ADAMTS1: variants seen among roughly 807,000 people sequenced by gnomAD.
ADAMTS1 encodes the protein ADAM metallopeptidase with thrombospondin type 1 motif 1, also known as A disintegrin and metalloproteinase with thrombospondin motifs 1.
ADAMTS1 carries 19 observed loss-of-function variants against 87.9 expected under a neutral mutation model. That is an observed-to-expected ratio of 0.22 (90% CI 0.15 to 0.32). The LOEUF is 0.32. ADAMTS1 is among the 10% of genes least tolerant of loss of function. The pLI is 1.00. For synonymous variants in ADAMTS1, 542 were observed against 501.8 expected (o/e 1.08, Z -1.07); for missense variants, 1,240 against 1,259.1 (o/e 0.98, Z 0.23).
rs1338418555 is a variant in ADAMTS1 at position 26,836,827 on chromosome 21, C to T, written c.*752G>A. On this transcript the variant is annotated 3_prime_UTR_variant, in exon 9 of 9. Transcript: ENST00000284984. ...GTTGGAGGTACTAAGCTCATTGTGTCTCCTCTAGCTTTTACCAGCATCTAA... is the reference window on the plus strand; with the variant it reads ...GTTGGAGGTACTAAGCTCATTGTGTTTCCTCTAGCTTTTACCAGCATCTAA... 1 of 152,236 alleles carries T rather than the reference C, an allele frequency of 6.6e-6. No homozygotes were observed. Among genetic ancestry groups the T allele is most frequent in the Non-Finnish European group, 1.5e-5 (1 of 68,048 alleles). The allele number at this position is 152,236 out of a possible 1,614,324, so 9.4% of individuals were successfully genotyped here.
intron 1 of ADAMTS1, chr21:26,843,017 A>G (rs2123320879): frequency 3.2e-6 from 1 of 312,532 alleles, no homozygotes; most frequent in Admixed American, 4.9e-5. Context: ...TTGGAGCAAG[A>G]GCGGCAGGCA....
rs772322201 is a variant in ADAMTS1 at position 26,840,442 on chromosome 21, G to A, written c.1499C>T (p.Pro500Leu). The change falls in exon 5 of 9, where the codon CCC becomes CTC. Residue 500 changes from proline to leucine, a missense_variant. Physicochemically the swap from Pro to Leu is moderately conservative, Grantham distance 98. Around this residue, in one of 3 missense-constraint regions of ADAMTS1, gnomAD observed 317 missense variants for 410.3 expected, o/e 0.77. Transcript: ENST00000284984. ...GGTGCTACATGTGCTGGCTGCATCG[G>A]GGCAGTGTTTGGAGTCCTCCCCAAA... ...FTFGEDSKHC[P>L]DAASTCSTLW... 5 of 1,613,900 alleles carry A rather than the reference G, an allele frequency of 3.1e-6. No individual in the cohort carries two copies. The African/African-American group carries it at 5.3e-5, about 17-fold the overall frequency.
rs916298575 is a variant in ADAMTS1 at position 26,844,795 on chromosome 21, A to T, written c.160T>A (p.Ser54Thr). 6.5e-7 allele frequency: 1 copy of T among 1,545,484 alleles called. No individual in the cohort carries two copies. The highest frequency in any genetic ancestry group is 8.7e-7 in the Non-Finnish European group (1 of 1,144,198). ...ACCACTAGCTCCTCGTCCTCCTCGG[A>T]GGGGCGCCCGAGTGCGTCCGACACG... ...LAVSDALGRP[S>T]EEDEELVVPE... The change falls in exon 1 of 9, where the codon TCC (serine) becomes ACC (threonine). Residue 54 changes from serine (S) to threonine (T), a missense_variant. This residue lies in a region of ADAMTS1 where 521 missense variants were observed against 449.7 expected (regional missense o/e 1.16). Transcript: ENST00000284984.
At chr21:26,844,119 A>G (rs1985555107) in intron 1 of ADAMTS1, 106 bp downstream of exon 1, 4 of 1,390,742 alleles carry the variant, frequency 2.9e-6, no homozygotes, top group Non-Finnish European at 3.8e-6. Context: ...CTGTCCGCGG[A>G]CTTATGATCC....
chr21:26,842,153 C>T (rs1985507400), intron 2 of ADAMTS1, among the ~76,000 whole-genome samples, 163 bp from the exon 3 acceptor site: 1 of 152,084 alleles, frequency 6.6e-6, no homozygotes, highest in Non-Finnish European at 1.5e-5. Flanking sequence ...TTTTCTAATG[C>T]TTTTAAAATA....
chr21:26,838,491 C>T lies in ADAMTS1; in HGVS notation c.2152G>A (p.Gly718Arg), dbSNP rs762195552. 62 of 1,614,042 alleles carry T rather than the reference C, an allele frequency of 3.8e-5. No homozygotes were observed. In the Middle Eastern group the frequency reaches 6.6e-4, roughly 17 times the overall value. Reference sequence around the variant, plus strand: ...TTTTTACAAGTAGATCCATTTCCCCCGCAAACACCACATTTATCAAACTTC... The same window carrying T: ...TTTTTACAAGTAGATCCATTTCCCCTGCAAACACCACATTTATCAAACTTC... ...KKKFDKCGVC[G>R]GNGSTCKKIS... The change falls in exon 8 of 9, where the codon GGG (glycine) becomes AGG (arginine). Residue 718 changes from glycine to arginine, a missense_variant. Coordinates refer to ENST00000284984, the MANE Select transcript of ADAMTS1 (RefSeq NM_006988.5).
At chr21:26,841,377 G>C in intron 3 of ADAMTS1, 1 of 491,996 alleles carries the variant, frequency 2.0e-6, no homozygotes, top group Non-Finnish European at 3.6e-6. Flanking sequence ...TACTGGGCAT[G>C]CTGAGGCAGC....
In ADAMTS1 at chr21:26,841,853, CT is replaced by C. The variant is rs747897641; in HGVS notation, c.1210+4del. ...AGCTTAACTTCTACTTTGAAGCAGA[CT>C]TACCTAATTCATGGGCTGTGGTGAA... On this transcript the variant is annotated splice_donor_region_variant and intron_variant, in intron 3 of 8. Transcript: ENST00000284984. The C allele has an allele frequency of 5.0e-6, 8 of 1,610,424 alleles. No homozygotes were observed. The African/African-American group carries it at 1.1e-4, about 22-fold the overall frequency.
Position 26,838,024 on chromosome 21 carries a change from G to C in ADAMTS1, c.2459C>G (p.Pro820Arg), listed in dbSNP as rs760567106. 1.2e-5 allele frequency: 20 copies of C among 1,614,086 alleles called. No homozygotes were observed. The African/African-American group carries it at 2.7e-4, about 22-fold the overall frequency. ...RIRSFSPLKE[P>R]LTIQVLTVGN... ...CACAGTAAGAACCTGGATGGTCAAG[G>C]GCTCTTTGAGAGGGCTAAAGCTGCG... The change falls in exon 9 of 9, where the codon CCC becomes CGC. Residue 820 changes from proline (P) to arginine (R), a missense_variant. Pro to Arg is a moderately radical substitution (Grantham distance 103, BLOSUM62 -2). This residue lies in a region of ADAMTS1 where 402 missense variants were observed against 399.1 expected (regional missense o/e 1.01). Coordinates refer to ENST00000284984, the MANE Select transcript of ADAMTS1 (RefSeq NM_006988.5).
chr21:26,844,531 A>G lies in ADAMTS1; in HGVS notation c.424T>C (p.Cys142Arg). Residue 142 changes from cysteine (C) to arginine (R), a missense_variant, in exon 1 of 9, where the codon TGC becomes CGC. Physicochemically the swap from Cys to Arg is radical, Grantham distance 180. Transcript: ENST00000284984. Reference protein sequence around the residue: ...DPSSAAALSLCEGVRGAFYLL... With the variant: ...DPSSAAALSLREGVRGAFYLL... ...TAGAAGGCGCCGCGCACGCCCTCGC[A>G]GAGGCTGAGGGCGGCAGCCGAGCTG... 6.2e-7 allele frequency: 1 copy of G among 1,604,204 alleles called. No homozygotes were observed. Among genetic ancestry groups the G allele is most frequent in the Non-Finnish European group, 8.5e-7 (1 of 1,175,870 alleles).
At chr21:26,838,352 ATCT>A in intron 8 of ADAMTS1, 74 bp from the exon 9 acceptor site, 1 of 1,576,556 alleles carries the variant, frequency 6.3e-7, no homozygotes, top group Non-Finnish European at 8.6e-7. Flanking sequence ...AAACACATTA[ATCT>A]TTTATGAGAC....
chr21:26,844,639 C>A lies in ADAMTS1; in HGVS notation c.316G>T (p.Gly106Trp). 6.2e-7 allele frequency: 1 copy of A among 1,605,824 alleles called. No homozygotes were observed. The highest frequency in any genetic ancestry group is 8.5e-7 in the Non-Finnish European group (1 of 1,176,500). The change falls in exon 1 of 9, where the codon GGG becomes TGG. Residue 106 changes from glycine to tryptophan, a missense_variant. Around this residue, in one of 3 missense-constraint regions of ADAMTS1, gnomAD observed 521 missense variants for 449.7 expected, o/e 1.16. Coordinates refer to ENST00000284984, the MANE Select transcript of ADAMTS1 (RefSeq NM_006988.5). ...GGCGTCTCGGACCCGGATTTGCGCC[C>A]CACGTTCTGGAGCGTGAAGCCGGGC... ...LAPGFTLQNV[G>W]RKSGSETPLP...
rs1322388145 is a variant in ADAMTS1 at position 26,842,685 on chromosome 21, CCTGT to C, written c.731-4_731-1del. On this transcript the variant is annotated splice_acceptor_variant and splice_polypyrimidine_tract_variant and intron_variant, in intron 1 of 8. Transcript: ENST00000284984. LOFTEE classifies it high-confidence loss of function. ...TCGCTTCTTTCTTATGCTTCCAGTT[CCTGT>C]AAAGAAAAAAAAAAGTTTGCTTATG... The C allele has an allele frequency of 6.2e-7, 1 of 1,604,698 alleles. No homozygotes were observed. The highest frequency in any genetic ancestry group is 8.5e-7 in the Non-Finnish European group (1 of 1,176,444).
rs1160782758 is a variant in ADAMTS1 at position 26,836,075 on chromosome 21, CTT to C, written c.*1502_*1503del. On this transcript the variant is annotated 3_prime_UTR_variant, in exon 9 of 9. Transcript: ENST00000284984. ...TAGTAACAAATGACATCATAAATTTCTTTCTTTTTAGCAATCATGTATACCAA... is the reference window on the plus strand; with the variant it reads ...TAGTAACAAATGACATCATAAATTTCTCTTTTTAGCAATCATGTATACCAA... The C allele has an allele frequency of 6.6e-6, 1 of 152,026 alleles. No individual in the cohort carries two copies. Among genetic ancestry groups the C allele is most frequent in the Non-Finnish European group, 1.5e-5 (1 of 67,956 alleles). The allele number at this position is 152,026 out of a possible 1,614,324, so 9.4% of individuals were successfully genotyped here. A position where few individuals can be genotyped will look rare whatever the true frequency, so the allele number is the denominator to read the frequency against.
chr21:26,843,502 C>T (rs1184127404), intron 1 of ADAMTS1: 1 of 377,536 alleles, frequency 2.6e-6, no homozygotes, highest in Non-Finnish European at 5.4e-6. Context: ...AGAATAAGCA[C>T]TGCACAGAGA....
chr21:26,839,647 G>T lies in ADAMTS1; in HGVS notation c.1968C>A (p.Asp656Glu). ...TGGCTTGGCAGATGAGCTTGCACCT[G>T]TCCTTTGGTGAGACGCCAGCGTACT... ...IPKYAGVSPKDRCKLICQAKG... is the reference protein window; with the variant it reads ...IPKYAGVSPKERCKLICQAKG... The change falls in exon 7 of 9, where the codon GAC becomes GAA. Residue 656 changes from aspartate to glutamate, a missense_variant. Asp to Glu is a conservative substitution (Grantham distance 45). Transcript: ENST00000284984. 1 of 1,613,440 alleles carries T rather than the reference G, an allele frequency of 6.2e-7. No individual in the cohort carries two copies. Among genetic ancestry groups the T allele is most frequent in the African/African-American group, 1.3e-5 (1 of 75,040 alleles).
chr21:26,840,957 AG>A, intron 4 of ADAMTS1, 40 bp downstream of exon 4: 1 of 1,580,026 alleles, frequency 6.3e-7, no homozygotes, highest in South Asian at 1.1e-5. Context: ...TATGCGTGAA[AG>A]GTTGGATGCC....
chr21:26,842,466 T>G lies in ADAMTS1; in HGVS notation c.950A>C (p.Lys317Thr), dbSNP rs766829422. The change falls in exon 2 of 9, where the codon AAG (lysine) becomes ACG (threonine). Residue 317 changes from lysine (K) to threonine (T), a missense_variant. By Grantham distance (78) the Lys-to-Thr change is moderately conservative. This residue lies in a region of ADAMTS1 where 521 missense variants were observed against 449.7 expected (regional missense o/e 1.16). Transcript: ENST00000284984. ...AGCATTGGAGGTCACTTCCGGCCCCTTCTGTTCATCGTGGATGACCAAGAT... is the reference window on the plus strand; with the variant it reads ...AGCATTGGAGGTCACTTCCGGCCCCGTCTGTTCATCGTGGATGACCAAGAT... ...VKILVIHDEQ[K>T]GPEVTSNAAL... 2 of 1,614,138 alleles carry G rather than the reference T, an allele frequency of 1.2e-6. No individual in the cohort carries two copies. The highest frequency in any genetic ancestry group is 1.7e-6 in the Non-Finnish European group (2 of 1,180,012).
At chr21:26,841,213 T>C (rs1415140552) in intron 3 of ADAMTS1, 48 bp from the exon 4 acceptor site, 1 of 1,595,190 alleles carries the variant, frequency 6.3e-7, no homozygotes, top group African/African-American at 1.3e-5. Context: ...CATGGCTGGG[T>C]GCGGTGGCTC....
Sources: gnomAD v4.1 joint callset for allele counts (sites outside exome capture counted in the v4.1 genomes callset) on GRCh38, gnomAD v4.1.1 for gene constraint, gnomAD v4.1.1 regional missense constraint, MANE v1.5 for transcripts, NCBI Gene and HGNC (gene_info 2026-07-23, HGNC 2026-07-21) for gene names.